Variants in EFCAB9 observed in about 807,000 individuals in gnomAD.
EFCAB9 encodes EF-hand calcium-binding domain-containing protein 9.
In EFCAB9, 16 loss-of-function variants were observed where a neutral mutation model predicts 15.6. The observed-to-expected ratio is 1.03, with a 90% CI of 0.69 to 1.56. The LOEUF is 1.56. EFCAB9 is among the 40% of genes most tolerant of loss of function. The pLI is 0.00. For missense variants in EFCAB9, 208 were observed against 235.4 expected (o/e 0.88, Z 0.76); for synonymous variants, 76 against 85.4 (o/e 0.89, Z 0.61).
chr5:172,203,450 G>A lies in EFCAB9; in HGVS notation c.*105G>A. The A allele has an allele frequency of 7.4e-7, 1 of 1,350,030 alleles. No homozygotes were observed. Among genetic ancestry groups the A allele is most frequent in the Non-Finnish European group, 9.7e-7 (1 of 1,027,862 alleles). 83.6% of individuals were successfully genotyped at this position (1,350,030 alleles called of 1,614,324 possible). A position where few individuals can be genotyped will look rare whatever the true frequency, so the allele number is the denominator to read the frequency against. ...CTAAAAATAAATTCAGAGCATCAAA[G>A]TAGATATCTTTATAATGACTTTTTT... On this transcript the variant is annotated 3_prime_UTR_variant, in exon 4 of 4. Coordinates refer to ENST00000398186, the MANE Select transcript of EFCAB9 (RefSeq NM_001171183.2).
At chr5:172,200,213 C>T (rs576420930) in intron 2 of EFCAB9, among the ~76,000 whole-genome samples, 16 of 152,268 alleles carry the variant, frequency 1.1e-4, no homozygotes, top group African/African-American at 3.6e-4. Context: ...AGCCACCACA[C>T]CCCGCCTCAG....
chr5:172,194,757 T>C (rs550702449), intron 1 of EFCAB9, among the ~76,000 whole-genome samples: 2 of 152,230 alleles, frequency 1.3e-5, no homozygotes, highest in African/African-American at 4.8e-5. Context: ...AACTCAGAAT[T>C]GACACGGGGG....
At chr5:172,197,202 G>A (rs1771179133) in intron 1 of EFCAB9, among the ~76,000 whole-genome samples, 1 of 151,950 alleles carries the variant, frequency 6.6e-6, no homozygotes, top group South Asian at 2.1e-4. Flanking sequence ...CTGCCTCCCG[G>A]GTTCAAACAA....
chr5:172,199,051 G>A (rs1281654649), intron 1 of EFCAB9, among the ~76,000 whole-genome samples: 1 of 152,222 alleles, frequency 6.6e-6, no homozygotes, highest in Non-Finnish European at 1.5e-5. Flanking sequence ...AGCACTTTGT[G>A]CCCATTTTAT....
At chr5:172,194,610 G>A (rs1397968261) in intron 1 of EFCAB9, among the ~76,000 whole-genome samples, 2 of 152,092 alleles carry the variant, frequency 1.3e-5, no homozygotes, top group South Asian at 4.1e-4. Context: ...TGTTGGCCAG[G>A]CTGGTCTCAA....
chr5:172,195,306 G>T (rs1293374481), intron 1 of EFCAB9, among the ~76,000 whole-genome samples: 3 of 152,014 alleles, frequency 2.0e-5, no homozygotes, highest in Non-Finnish European at 4.4e-5. Context: ...TAGAAATAAG[G>T]TATCCTATCC....
chr5:172,200,171 G>A (rs7731922), intron 2 of EFCAB9, among the ~76,000 whole-genome samples: 70,029 of 151,592 alleles, frequency 0.46, 16,861 homozygotes, highest in Middle Eastern at 0.53. Flanking sequence ...CACCCACCTC[G>A]AGCCTCCCAA....
At position 172,203,351 on chromosome 5, in the gene EFCAB9, A is replaced by G. The variant is rs1452006148; in HGVS notation, c.*6A>G. On this transcript the variant is annotated 3_prime_UTR_variant, in exon 4 of 4. Transcript: ENST00000398186. ...CAAAATGTCACATCAAGTAGATACA[A>G]GCTGAAAGAGTCTTGGAAAAAAATG... is the stretch of plus-strand genomic sequence containing the variant. 6.6e-7 allele frequency: 1 copy of G among 1,526,300 alleles called. No individual in the cohort carries two copies. The highest frequency in any genetic ancestry group is 2.1e-5 in the Admixed American group (1 of 46,926). The allele number at this position is 1,526,300 out of a possible 1,614,324, so 94.5% of individuals were successfully genotyped here.
At chr5:172,195,256 G>A (rs1187780399) in intron 1 of EFCAB9, among the ~76,000 whole-genome samples, 1 of 151,976 alleles carries the variant, frequency 6.6e-6, no homozygotes, top group Non-Finnish European at 1.5e-5. Flanking sequence ...CAAACTAATA[G>A]AAGTCCAATT....
Position 172,203,355 on chromosome 5 carries a change from G to GA in EFCAB9, c.*13dup. 1 of 1,524,110 alleles carries GA rather than the reference G, an allele frequency of 6.6e-7. No individual in the cohort carries two copies. Among genetic ancestry groups the GA allele is most frequent in the Non-Finnish European group, 8.7e-7 (1 of 1,143,528 alleles). 94.4% of individuals were successfully genotyped at this position (1,524,110 alleles called of 1,614,324 possible). A position where few individuals can be genotyped will look rare whatever the true frequency, so the allele number is the denominator to read the frequency against. On this transcript the variant is annotated 3_prime_UTR_variant, in exon 4 of 4. Transcript: ENST00000398186. ...ATGTCACATCAAGTAGATACAAGCT[G>GA]AAAGAGTCTTGGAAAAAAATGGGAT... is the stretch of plus-strand genomic sequence containing the variant.
chr5:172,203,195 C>CT lies in EFCAB9; in HGVS notation c.463-19_463-18insT. 3.0e-6 allele frequency: 4 copies of CT among 1,348,044 alleles called. No individual in the cohort carries two copies. The highest frequency in any genetic ancestry group is 2.7e-5 in the East Asian group (1 of 36,466). 83.5% of individuals were successfully genotyped at this position (1,348,044 alleles called of 1,614,324 possible). The stretch of plus-strand genomic sequence containing the variant: ...TTTTTCCTGAAATAATTTTTCTTTC[C>CT]CCCCCACCCTAACCAAAGCGTCTTA... On this transcript the variant is annotated intron_variant, in intron 3 of 3. Transcript: ENST00000398186.
At chr5:172,198,439 G>A (rs557837436) in intron 1 of EFCAB9, among the ~76,000 whole-genome samples, 4 of 152,222 alleles carry the variant, frequency 2.6e-5, no homozygotes, top group Admixed American at 1.3e-4. Context: ...AGCCTGGGAG[G>A]TTGAGTCTGC....
At position 172,199,426 on chromosome 5, in the gene EFCAB9, A is replaced by G; in HGVS notation, c.180A>G (p.Lys60=). 1 of 1,537,292 alleles carries G rather than the reference A, an allele frequency of 6.5e-7. No homozygotes were observed. The highest frequency in any genetic ancestry group is 8.7e-7 in the Non-Finnish European group (1 of 1,146,928). Residue 60 remains lysine, a synonymous_variant, in exon 2 of 4, where the codon AAA becomes AAG. Transcript: ENST00000398186. ...TCCTTCATCATGTGACTGACTTGAA[A>G]AAGGCACAGATCAACATTGTGTTTG... The part of the protein sequence containing the change: ...YHFLHHVTDL[K]KAQINIVFDM...
intron 3 of EFCAB9, among the ~76,000 whole-genome samples, 165 bp from the exon 4 acceptor site, chr5:172,203,049 A>G (rs1771283082): frequency 6.6e-6 from 1 of 152,196 alleles, no homozygotes; most frequent in Admixed American, 6.5e-5. Context: ...TAGACTCTCT[A>G]TTCCTGGGTA....
intron 1 of EFCAB9, among the ~76,000 whole-genome samples, chr5:172,194,776 G>A (rs1445073167): frequency 6.6e-6 from 1 of 152,158 alleles, no homozygotes; most frequent in Non-Finnish European, 1.5e-5. Context: ...GGACAGTTCA[G>A]CCGGGAGGAG....
At chr5:172,195,228 C>T (rs1032337739) in intron 1 of EFCAB9, among the ~76,000 whole-genome samples, 7 of 151,308 alleles carry the variant, frequency 4.6e-5, no homozygotes, top group Non-Finnish European at 8.9e-5. Flanking sequence ...CAGATCTCAG[C>T]CATGCTTGTT....
At chr5:172,197,105 C>A (rs1196482024) in intron 1 of EFCAB9, among the ~76,000 whole-genome samples, 1 of 150,978 alleles carries the variant, frequency 6.6e-6, no homozygotes, top group African/African-American at 2.4e-5. Context: ...ATGTGAGGCA[C>A]AACTTTTTTT....
At position 172,195,153 on chromosome 5, in the gene EFCAB9, A is replaced by AAAATAAATAAATAAAT. The variant is rs3028127; in HGVS notation, c.136+861_136+876dup. Among the ~76,000 whole-genome samples the AAAATAAATAAATAAAT allele has an allele frequency of 3.4e-5, 5 of 145,090 alleles. No homozygotes were observed. The East Asian group carries it at 9.9e-4, about 29-fold the overall frequency. ...ACTTATTGGTACTTGTGAATGACCA[A>AAAATAAATAAATAAAT]AAATAAATAAATAAATAAATAAATA... On this transcript the variant is annotated intron_variant, in intron 1 of 3. Coordinates refer to ENST00000398186, the MANE Select transcript of EFCAB9 (RefSeq NM_001171183.2).
At chr5:172,197,693 C>T (rs60688371) in intron 1 of EFCAB9, among the ~76,000 whole-genome samples, 2,357 of 152,226 alleles carry the variant, frequency 0.015, 60 homozygotes, top group African/African-American at 0.054. Flanking sequence ...CACAGACCCT[C>T]GCGGTGAGTG....
Sources: gnomAD v4.1 joint callset for allele counts (sites outside exome capture counted in the v4.1 genomes callset) on GRCh38, gnomAD v4.1.1 for gene constraint, MANE v1.5 for transcripts, NCBI Gene and HGNC (gene_info 2026-07-23, HGNC 2026-07-21) for gene names.